AFF2: variants seen among roughly 807,000 people sequenced by gnomAD.
AFF2 encodes AF4/FMR2 family member 2.
Under a neutral mutation model 76.9 loss-of-function variants are expected in AFF2, and 14 were observed. The ratio of observed to expected loss-of-function variants is 0.18; its 90% CI spans 0.12 to 0.28. AFF2 has a LOEUF of 0.28. Ranked by LOEUF, AFF2 falls within the 10% of genes least tolerant of loss-of-function variation. AFF2 has a pLI of 1.00. For synonymous variants in AFF2, 398 were observed against 366.7 expected, an observed-to-expected ratio of 1.09 and a Z score of -0.98; for missense variants, 868 against 1,001.1, an observed-to-expected ratio of 0.87 and a Z score of 1.79.
At chrX:148,991,168 GATATC>G in intron 20 of AFF2, 38 bp from the exon 21 acceptor site, 1 of 1,143,324 alleles carries the variant, frequency 8.7e-7, no homozygotes, top group East Asian at 3.1e-5. Context: ...ATATTTTCAT[GATATC>G]ATATAAAGGC....
chrX:148,680,747 A>G (rs1437871064), intron 3 of AFF2, among the ~76,000 whole-genome samples: 1 of 111,082 alleles, frequency 9.0e-6, no homozygotes, highest in Admixed American at 9.6e-5. Flanking sequence ...AGTTCAGAGT[A>G]CCCTGGGAGC....
intron 3 of AFF2, among the ~76,000 whole-genome samples, chrX:148,670,231 G>A (rs1557258931): frequency 9.0e-6 from 1 of 111,611 alleles, no homozygotes; most frequent in African/African-American, 3.3e-5. Flanking sequence ...TAGGAAGGGT[G>A]TCCTGAGGAG....
At chrX:148,598,240 A>G (rs1010845462) in intron 1 of AFF2, among the ~76,000 whole-genome samples, 1 of 111,756 alleles carries the variant, frequency 8.9e-6, no homozygotes, top group Middle Eastern at 4.2e-3. Context: ...AATTTTGGCC[A>G]TAATTCCTCA....
At chrX:148,581,042 T>C (rs1340444481) in intron 1 of AFF2, among the ~76,000 whole-genome samples, 1 of 84,143 alleles carries the variant, frequency 1.2e-5, no homozygotes, top group Admixed American at 1.2e-4. Context: ...TATACACACA[T>C]ATATACACAT....
At chrX:148,763,064 A>G (rs782458989) in intron 3 of AFF2, among the ~76,000 whole-genome samples, 185 of 112,265 alleles carry the variant, frequency 1.6e-3, no homozygotes, top group African/African-American at 5.7e-3. Flanking sequence ...TAAATATACC[A>G]TGTCCCTTCT....
chrX:148,827,421 G>T lies in AFF2; in HGVS notation c.1087-10226G>T, dbSNP rs1335251330. On this transcript the variant is annotated intron_variant, in intron 4 of 20. Transcript: ENST00000370460. ...TAGAAATGGAATACTAACATGCCTTGTGTACTTCTTTGAAAGGACTTAGAC... is the reference window on the plus strand; with the variant it reads ...TAGAAATGGAATACTAACATGCCTTTTGTACTTCTTTGAAAGGACTTAGAC... 7.2e-5 allele frequency among the ~76,000 whole-genome samples: 8 copies of T among 111,859 alleles called. No homozygotes were observed. In the Admixed American group the frequency reaches 7.6e-4, roughly 11 times the overall value.
At chrX:148,743,274 G>A (rs1203763596) in intron 3 of AFF2, among the ~76,000 whole-genome samples, 1 of 111,942 alleles carries the variant, frequency 8.9e-6, no homozygotes, top group Non-Finnish European at 1.9e-5. Context: ...TATTTGTCAA[G>A]CAGGTATAAT....
intron 19 of AFF2, among the ~76,000 whole-genome samples, chrX:148,983,820 A>G (rs2072424481): frequency 9.2e-6 from 1 of 108,981 alleles, no homozygotes; most frequent in Admixed American, 9.9e-5. Flanking sequence ...TCTACCTTCC[A>G]GAGCGCTTTA....
intron 3 of AFF2, among the ~76,000 whole-genome samples, chrX:148,668,997 A>C (rs782200854): frequency 8.9e-6 from 1 of 111,982 alleles, no homozygotes; most frequent in Non-Finnish European, 1.9e-5. Context: ...AACAACACCC[A>C]AGCCCCCTCT....
chrX:148,935,057 A>T (rs868930884), intron 9 of AFF2, among the ~76,000 whole-genome samples: 1 of 104,312 alleles, frequency 9.6e-6, no homozygotes, highest in African/African-American at 3.5e-5. Flanking sequence ...GAAAAGCCTA[A>T]TTTTTTTTTT....
intron 3 of AFF2, among the ~76,000 whole-genome samples, chrX:148,699,116 T>A (rs1557261591): frequency 8.9e-6 from 1 of 112,165 alleles, no homozygotes; most frequent in Non-Finnish European, 1.9e-5. Context: ...GTACAGTAGC[T>A]GACTACAGTG....
At chrX:148,934,521 G>C (rs1405853180) in intron 9 of AFF2, among the ~76,000 whole-genome samples, 1 of 112,347 alleles carries the variant, frequency 8.9e-6, no homozygotes, top group African/African-American at 3.2e-5. Flanking sequence ...AAACCTAAAT[G>C]ATGATGACAG....
chrX:148,830,781 A>G (rs1302981081), intron 4 of AFF2, among the ~76,000 whole-genome samples: 9 of 111,876 alleles, frequency 8.0e-5, no homozygotes, highest in Non-Finnish European at 3.8e-5. Context: ...AGTTTCGGGC[A>G]TGCATTGTCA....
At chrX:148,513,551 G>A (rs1457938740) in intron 1 of AFF2, among the ~76,000 whole-genome samples, 1 of 111,557 alleles carries the variant, frequency 9.0e-6, no homozygotes, top group Non-Finnish European at 1.9e-5. Flanking sequence ...TTTTAAATTC[G>A]TGGCTGGCTG....
intron 1 of AFF2, among the ~76,000 whole-genome samples, chrX:148,512,208 A>G (rs1298739801): frequency 7.1e-5 from 8 of 112,514 alleles, no homozygotes; most frequent in African/African-American, 2.3e-4. Context: ...TGTTAACTAT[A>G]TCTCTTTTGC....
At chrX:148,677,952 G>T (rs1483004152) in intron 3 of AFF2, among the ~76,000 whole-genome samples, 1 of 111,856 alleles carries the variant, frequency 8.9e-6, no homozygotes, top group African/African-American at 3.3e-5. Context: ...GTGAATTTCT[G>T]GTGGTAGAAG....
At chrX:148,652,637 T>A (rs185529925) in intron 2 of AFF2, among the ~76,000 whole-genome samples, 2 of 111,994 alleles carry the variant, frequency 1.8e-5, no homozygotes, top group African/African-American at 6.5e-5. Flanking sequence ...TCATTTTTCC[T>A]GGTGGTTAAT....
At chrX:148,515,837 G>A (rs2124204143) in intron 1 of AFF2, among the ~76,000 whole-genome samples, 2 of 111,392 alleles carry the variant, frequency 1.8e-5, no homozygotes, top group African/African-American at 6.5e-5. Flanking sequence ...ATCTGTAAAG[G>A]TCCTTAAGGG....
At chrX:148,721,161 A>T (rs902739457) in intron 3 of AFF2, among the ~76,000 whole-genome samples, 1 of 112,203 alleles carries the variant, frequency 8.9e-6, no homozygotes, top group African/African-American at 3.2e-5. Context: ...TTACAATCAA[A>T]GTGAGATATT....
Sources: gnomAD v4.1 joint callset for allele counts (sites outside exome capture counted in the v4.1 genomes callset) on GRCh38, gnomAD v4.1.1 for gene constraint, MANE v1.5 for transcripts, NCBI Gene and HGNC (gene_info 2026-07-23, HGNC 2026-07-21) for gene names.